Variants in HSP90AA1 observed in about 807,000 individuals in gnomAD.
HSP90AA1 encodes heat shock protein 90 alpha family class A member 1, also known as heat shock protein HSP 90-alpha.
HSP90AA1 carries 18 observed loss-of-function variants against 73.3 expected under a neutral mutation model. The observed-to-expected ratio is 0.25, with a 90% CI of 0.17 to 0.36. HSP90AA1 has a LOEUF of 0.36. Ranked by LOEUF, HSP90AA1 falls within the 10% of genes least tolerant of loss-of-function variation. The probability of loss-of-function intolerance (pLI) is 1.00; values close to 1 mark genes in which losing one functional copy is unlikely to be tolerated. For missense variants in HSP90AA1, 704 were observed against 874.2 expected (o/e 0.81, Z 2.45); for synonymous variants, 477 against 296.9 (o/e 1.61, Z -6.24).
rs751450567 is a variant in HSP90AA1 at position 102,086,058 on chromosome 14, G to A, written c.229C>T (p.His77Tyr). 6 of 1,613,864 alleles carry A rather than the reference G, an allele frequency of 3.7e-6. No individual in the cohort carries two copies. The highest frequency in any genetic ancestry group is 2.2e-5 in the South Asian group (2 of 91,076). Residue 77 changes from histidine (H) to tyrosine (Y), a missense_variant, in exon 3 of 11, where the codon CAT becomes TAT. Physicochemically the swap from His to Tyr is moderately conservative, Grantham distance 83. Coordinates refer to ENST00000216281, the MANE Select transcript of HSP90AA1 (RefSeq NM_005348.4). ...PSKLDSGKEL[H>Y]INLIPNKQDR... ...TGTTTGTTCGGTATAAGGTTAATATGCAGCTCTTTCCCAGAGTCTAATTTA... is the reference window on the plus strand; with the variant it reads ...TGTTTGTTCGGTATAAGGTTAATATACAGCTCTTTCCCAGAGTCTAATTTA...
In HSP90AA1 at chr14:102,082,390, A is replaced by G; in HGVS notation, c.1810T>C (p.Tyr604His). 4 of 1,613,914 alleles carry G rather than the reference A, an allele frequency of 2.5e-6. No homozygotes were observed. The highest frequency in any genetic ancestry group is 3.4e-6 in the Non-Finnish European group (4 of 1,179,954). ...CTCTCCATGTTTGCTGTCCAGCCAT[A>G]TGTGCTTGTGACAATACAGCATGGA... ...TSPCCIVTST[Y>H]GWTANMERIM... The change falls in exon 10 of 11, where the codon TAT (tyrosine) becomes CAT (histidine). Residue 604 changes from tyrosine (Y) to histidine (H), a missense_variant. Physicochemically the swap from Tyr to His is moderately conservative, Grantham distance 83. Coordinates refer to ENST00000216281, the MANE Select transcript of HSP90AA1 (RefSeq NM_005348.4).
rs752641123 is a variant in HSP90AA1, at chr14:102,085,277, T to C, written c.663+21A>G. On this transcript the variant is annotated intron_variant, in intron 4 of 10. Transcript: ENST00000216281. ...ATCACCTACAGACAGAAATTCACTC[T>C]GCAATTACATAAAAACTTACAAAAA... 2.5e-6 allele frequency: 4 copies of C among 1,607,026 alleles called. No individual in the cohort carries two copies. In the African/African-American group the frequency reaches 4.0e-5, roughly 16 times the overall value.
intron 1 of HSP90AA1, among the ~76,000 whole-genome samples, chr14:102,108,111 A>G (rs2049591543): frequency 6.6e-6 from 1 of 151,682 alleles, no homozygotes; most frequent in Non-Finnish European, 1.5e-5. Context: ...AAATTTTAGA[A>G]AATTAGCTAA....
intron 5 of HSP90AA1, 51 bp downstream of exon 5, chr14:102,084,630 G>C (rs1406472384): frequency 6.2e-7 from 1 of 1,614,128 alleles, no homozygotes; most frequent in Non-Finnish European, 8.5e-7. Context: ...TGGGGTGGTG[G>C]AGAAAGATGA....
At chr14:102,127,808 C>T (rs112335802) in intron 1 of HSP90AA1, among the ~76,000 whole-genome samples, 1,855 of 152,170 alleles carry the variant, frequency 0.012, 16 homozygotes, top group Middle Eastern at 0.041. Flanking sequence ...TGTGTTGCCA[C>T]GCCTGGCTAA....
At chr14:102,087,537 C>T (rs1200367010), upstream of HSP90AA1, among the ~76,000 whole-genome samples, 1 of 152,092 alleles carries the variant, frequency 6.6e-6, no homozygotes, top group Non-Finnish European at 1.5e-5. Context: ...GGGTCTCACG[C>T]GCCCGGGAGA....
At chr14:102,133,245 A>C (rs1595682782) in intron 1 of HSP90AA1, among the ~76,000 whole-genome samples, 1 of 152,096 alleles carries the variant, frequency 6.6e-6, no homozygotes, top group South Asian at 2.1e-4. Context: ...ATGCCATTGC[A>C]CTCCAGCCTG....
upstream of HSP90AA1, among the ~76,000 whole-genome samples, chr14:102,089,737 T>G (rs989190519): frequency 1.3e-5 from 2 of 152,056 alleles, no homozygotes; most frequent in Admixed American, 1.3e-4. Flanking sequence ...GTTAGCCAGG[T>G]CACTGACTAT....
upstream of HSP90AA1, among the ~76,000 whole-genome samples, chr14:102,089,985 C>T (rs1175361192): frequency 1.3e-5 from 2 of 152,218 alleles, no homozygotes; most frequent in Non-Finnish European, 2.9e-5. Context: ...CTGGCCCTAT[C>T]TATTCCCTCC....
At chr14:102,098,928 G>A (rs1253375403) in intron 2 of HSP90AA1, among the ~76,000 whole-genome samples, 1 of 152,182 alleles carries the variant, frequency 6.6e-6, no homozygotes, top group Non-Finnish European at 1.5e-5. Context: ...TTTCACTAGA[G>A]GACAGAAAAG....
chr14:102,083,022 G>A lies in HSP90AA1; in HGVS notation c.1755+12C>T, dbSNP rs759317385. 8 of 1,611,502 alleles carry A rather than the reference G, an allele frequency of 5.0e-6. No homozygotes were observed. The South Asian group carries it at 7.7e-5, about 15-fold the overall frequency. The stretch of plus-strand genomic sequence containing the variant: ...GAAGTATCAATGATCAGGAAATGCT[G>A]TATTCACATACCTTTTCAACTTTTT... On this transcript the variant is annotated intron_variant, in intron 9 of 10. Coordinates refer to ENST00000216281, the MANE Select transcript of HSP90AA1 (RefSeq NM_005348.4).
intron 1 of HSP90AA1, among the ~76,000 whole-genome samples, chr14:102,124,764 A>G (rs1189219279): frequency 6.6e-6 from 1 of 152,190 alleles, no homozygotes; most frequent in Non-Finnish European, 1.5e-5. Flanking sequence ...CTAATCATAT[A>G]TAAATAATAA....
chr14:102,135,604 G>A (rs1354642859), intron 1 of HSP90AA1, among the ~76,000 whole-genome samples: 1 of 152,270 alleles, frequency 6.6e-6, no homozygotes, highest in Non-Finnish European at 1.5e-5. Context: ...AGGAACCAAT[G>A]GAGTGGGTGG....
chr14:102,083,763 A>G lies in HSP90AA1; in HGVS notation c.1338+30T>C, dbSNP rs780101514. The G allele has an allele frequency of 2.3e-5, 36 of 1,592,452 alleles. No individual in the cohort carries two copies. In the Admixed American group the frequency reaches 5.9e-4, roughly 26 times the overall value. On this transcript the variant is annotated intron_variant, in intron 7 of 10. Coordinates refer to ENST00000216281, the MANE Select transcript of HSP90AA1 (RefSeq NM_005348.4). The stretch of plus-strand genomic sequence containing the variant: ...AAAAAAAAAAAAACTAAAGAGGCCA[A>G]TTGGAAAACTAATGGTTATTTACAC...
rs1027097628 is a variant in HSP90AA1 at position 102,081,225 on chromosome 14, G to C, written c.*487C>G. 2 of 245,668 alleles carry C rather than the reference G, an allele frequency of 8.1e-6. No homozygotes were observed. Among genetic ancestry groups the C allele is most frequent in the South Asian group, 1.2e-4 (1 of 8,334 alleles). 15.2% of individuals were successfully genotyped at this position (245,668 alleles called of 1,614,324 possible). ...CTTTGGAAAACAAGCCCTGTGGAGA[G>C]ATCCTTCCATCAAGTTGCTTCAGTT... On this transcript the variant is annotated 3_prime_UTR_variant, in exon 11 of 11. Coordinates refer to ENST00000216281, the MANE Select transcript of HSP90AA1 (RefSeq NM_005348.4).
intron 1 of HSP90AA1, among the ~76,000 whole-genome samples, chr14:102,115,979 T>C (rs2049701304): frequency 6.7e-6 from 1 of 149,682 alleles, no homozygotes; most frequent in Non-Finnish European, 1.5e-5. Context: ...TGAGATGGAG[T>C]CTTGCTCTGT....
At chr14:102,129,697 G>A (rs1213894093) in intron 1 of HSP90AA1, among the ~76,000 whole-genome samples, 1 of 151,822 alleles carries the variant, frequency 6.6e-6, no homozygotes. Flanking sequence ...TAGAGACGAG[G>A]TTTCACCGTG....
chr14:102,110,739 C>T (rs1032793506), intron 1 of HSP90AA1, among the ~76,000 whole-genome samples: 4 of 152,244 alleles, frequency 2.6e-5, no homozygotes, highest in Admixed American at 6.5e-5. Flanking sequence ...CCCACCACGC[C>T]CGGCTAATTT....
intron 1 of HSP90AA1, among the ~76,000 whole-genome samples, chr14:102,117,803 G>A (rs552341770): frequency 6.6e-6 from 1 of 152,206 alleles, no homozygotes; most frequent in Non-Finnish European, 1.5e-5. Context: ...AAGAGCTGTG[G>A]CCCTTTGGGA....
Sources: gnomAD v4.1 joint callset for allele counts (sites outside exome capture counted in the v4.1 genomes callset) on GRCh38, gnomAD v4.1.1 for gene constraint, MANE v1.5 for transcripts, NCBI Gene and HGNC (gene_info 2026-07-23, HGNC 2026-07-21) for gene names.